Variants in ANXA8 observed in about 807,000 individuals in gnomAD.
ANXA8 encodes the protein annexin A8.
Under a neutral mutation model 26.8 loss-of-function variants are expected in ANXA8, and 9 were observed. The ratio of observed to expected loss-of-function variants is 0.34; its 90% CI spans 0.20 to 0.59. The LOEUF (loss-of-function observed/expected upper bound fraction) is 0.59. Among genes scored for constraint, ANXA8 ranks in the 20% least tolerant of loss-of-function variants. The probability of loss-of-function intolerance (pLI) is 0.84; values close to 1 mark genes in which losing one functional copy is unlikely to be tolerated. For synonymous variants in ANXA8, 39 were observed against 94.8 expected, an observed-to-expected ratio of 0.41 and a Z score of 3.42; for missense variants, 83 against 238.5, an observed-to-expected ratio of 0.35 and a Z score of 4.29.
chr10:47,646,679 A>T, the ANXA8 span, among the ~76,000 whole-genome samples: 1 of 151,692 alleles, frequency 6.6e-6, no homozygotes, highest in Admixed American at 6.6e-5. Flanking sequence ...AATGATTTTC[A>T]TCTGTAACCA....
chr10:47,469,822 A>C (rs1165165171), intron 11 of ANXA8, among the ~76,000 whole-genome samples: 3 of 151,410 alleles, frequency 2.0e-5, no homozygotes, highest in African/African-American at 7.4e-5. Context: ...ATTTAGTAAA[A>C]TTTGCCTGTT....
the ANXA8 span, chr10:47,549,192 G>C: frequency 1.4e-6 from 1 of 705,232 alleles, no homozygotes; most frequent in East Asian, 2.8e-5. Flanking sequence ...CCCTGATAAT[G>C]ACCATGATCC....
In ANXA8 at chr10:47,484,036, G is replaced by C. The variant is rs1195155660; in HGVS notation, c.-103C>G. 1.2e-6 allele frequency: 2 copies of C among 1,610,496 alleles called. No individual in the cohort carries two copies. The highest frequency in any genetic ancestry group is 1.7e-6 in the Non-Finnish European group (2 of 1,178,978). On this transcript the variant is annotated 5_prime_UTR_variant, in exon 1 of 12. Transcript: ENST00000585281. ...GCTCCTGCAGCTGAGGAGTGAGCAG[G>C]CCGCTCACTTGGGTGTGGGGGTGCA...
the ANXA8 span, among the ~76,000 whole-genome samples, chr10:47,668,298 G>A: frequency 1.3e-5 from 2 of 150,110 alleles, no homozygotes; most frequent in Non-Finnish European, 2.9e-5. Context: ...TTCATGGATG[G>A]AGTATCTACT....
the ANXA8 span, among the ~76,000 whole-genome samples, chr10:47,495,835 A>G: frequency 6.6e-6 from 1 of 151,408 alleles, no homozygotes; most frequent in Non-Finnish European, 1.5e-5. Context: ...CATGGGGGGC[A>G]ACCCAGGGGG....
the ANXA8 span, among the ~76,000 whole-genome samples, chr10:47,694,022 G>T: frequency 6.6e-6 from 1 of 151,556 alleles, no homozygotes; most frequent in Non-Finnish European, 1.5e-5. Context: ...TGTCAGCAGG[G>T]ACCTCTCAGG....
intron 1 of ANXA8, among the ~76,000 whole-genome samples, chr10:47,481,868 A>C (rs1474510351): frequency 6.9e-6 from 1 of 145,308 alleles, no homozygotes; most frequent in Non-Finnish European, 1.5e-5. Context: ...GTGCTAGTCC[A>C]GACAGGCACA....
At chr10:47,585,263 C>CAAAAAAAAAAAAAAAAA in the ANXA8 span, among the ~76,000 whole-genome samples, 2 of 43,582 alleles carry the variant, frequency 4.6e-5, no homozygotes, top group Non-Finnish European at 3.3e-5. Flanking sequence ...GACTCCATCT[C>CAAAAAAAAAAAAAAAAA]AAAAAAAAAA....
chr10:47,733,405 A>G, the ANXA8 span, among the ~76,000 whole-genome samples: 1 of 130,296 alleles, frequency 7.7e-6, no homozygotes, highest in Non-Finnish European at 1.6e-5. Context: ...TTGATAGGAT[A>G]ACATTTTCAC....
intron 1 of ANXA8, among the ~76,000 whole-genome samples, chr10:47,483,587 C>G (rs1431375585): frequency 1.4e-5 from 2 of 142,172 alleles, no homozygotes; most frequent in Admixed American, 7.1e-5. Context: ...ACACAAGGCT[C>G]AACCATGATA....
the ANXA8 span, among the ~76,000 whole-genome samples, chr10:47,558,354 C>T: frequency 1.3e-5 from 2 of 151,812 alleles, no homozygotes; most frequent in Non-Finnish European, 2.9e-5. Flanking sequence ...CTAATGGCAT[C>T]AGCTCTGTGG....
the ANXA8 span, among the ~76,000 whole-genome samples, chr10:47,490,636 C>T: frequency 4.2e-5 from 6 of 142,834 alleles, no homozygotes; most frequent in Non-Finnish European, 9.4e-5. Context: ...CTCAGCTTTT[C>T]TCCCAACGCT....
chr10:47,671,523 T>C, the ANXA8 span, among the ~76,000 whole-genome samples: 5 of 152,004 alleles, frequency 3.3e-5, no homozygotes, highest in Non-Finnish European at 5.9e-5. Flanking sequence ...ATAATTGTTA[T>C]AGTATTTTAT....
chr10:47,561,704 G>A, the ANXA8 span, among the ~76,000 whole-genome samples: 50 of 151,930 alleles, frequency 3.3e-4, no homozygotes, highest in African/African-American at 1.2e-3. Context: ...CCTAATGTAT[G>A]CCATTTTCTA....
the ANXA8 span, among the ~76,000 whole-genome samples, chr10:47,767,821 G>C: frequency 6.6e-6 from 1 of 150,398 alleles, no homozygotes; most frequent in Non-Finnish European, 1.5e-5. Context: ...CTAAGTCTGG[G>C]GCCATGGAAA....
chr10:47,777,807 G>A, the ANXA8 span, among the ~76,000 whole-genome samples: 35 of 151,870 alleles, frequency 2.3e-4, no homozygotes, highest in South Asian at 7.1e-3. Context: ...TTTTTAGAGA[G>A]AAGGTCTTGC....
At chr10:47,526,060 T>C in the ANXA8 span, among the ~76,000 whole-genome samples, 6 of 137,050 alleles carry the variant, frequency 4.4e-5, 2 homozygotes, top group Non-Finnish European at 9.3e-5. Context: ...GAATGAGCCA[T>C]CGTGCCCAGC....
the ANXA8 span, among the ~76,000 whole-genome samples, chr10:47,949,631 G>C: frequency 1.3e-5 from 2 of 150,824 alleles, no homozygotes; most frequent in East Asian, 2.0e-4. Context: ...GGACAGAATG[G>C]AGGAAACAGA....
chr10:47,755,391 G>A, the ANXA8 span, among the ~76,000 whole-genome samples: 6 of 152,204 alleles, frequency 3.9e-5, no homozygotes, highest in Non-Finnish European at 8.8e-5. Context: ...AAGTAGCTGG[G>A]ACTACAGGCG....
Sources: gnomAD v4.1 joint callset for allele counts (sites outside exome capture counted in the v4.1 genomes callset) on GRCh38, gnomAD v4.1.1 for gene constraint, MANE v1.5 for transcripts, NCBI Gene and HGNC (gene_info 2026-07-23, HGNC 2026-07-21) for gene names.